Variants in SSBP2 observed in about 807,000 individuals in gnomAD.
The protein encoded by SSBP2 is single stranded DNA binding protein 2.
SSBP2 carries 17 observed loss-of-function variants against 61.8 expected under a neutral mutation model. The observed-to-expected ratio is 0.28, with a 90% CI of 0.19 to 0.41. The LOEUF (loss-of-function observed/expected upper bound fraction) is 0.41. Ranked by LOEUF, SSBP2 falls within the 10% of genes least tolerant of loss-of-function variation. The pLI is 1.00. For synonymous variants in SSBP2, 139 were observed against 141.3 expected, an observed-to-expected ratio of 0.98 and a Z score of 0.12; for missense variants, 310 against 458.7, an observed-to-expected ratio of 0.68 and a Z score of 2.96.
intron 1 of SSBP2, among the ~76,000 whole-genome samples, chr5:81,729,823 T>A (rs778069062): frequency 2.0e-5 from 3 of 152,136 alleles, no homozygotes; most frequent in African/African-American, 2.4e-5. Context: ...AAGTTATATA[T>A]AAGCTAGACT....
At chr5:81,729,010 A>G (rs564383526) in intron 1 of SSBP2, among the ~76,000 whole-genome samples, 2 of 152,326 alleles carry the variant, frequency 1.3e-5, no homozygotes, top group South Asian at 4.1e-4. Context: ...CACCATAAAA[A>G]ATGATAGGTA....
intron 4 of SSBP2, among the ~76,000 whole-genome samples, chr5:81,535,317 G>T (rs1197354792): frequency 6.6e-6 from 1 of 152,050 alleles, no homozygotes; most frequent in Non-Finnish European, 1.5e-5. Context: ...TTCATGAATA[G>T]GAAGACTCAA....
At chr5:81,689,583 A>C (rs1369096919) in intron 1 of SSBP2, among the ~76,000 whole-genome samples, 1 of 152,040 alleles carries the variant, frequency 6.6e-6, no homozygotes, top group Non-Finnish European at 1.5e-5. Flanking sequence ...AAAAAAAAAA[A>C]ACTTCTAGAA....
intron 4 of SSBP2, among the ~76,000 whole-genome samples, chr5:81,610,909 G>A (rs756028756): frequency 2.0e-4 from 31 of 152,116 alleles, no homozygotes; most frequent in Non-Finnish European, 3.5e-4. Context: ...CAGGAGAATC[G>A]GTTGAACCCG....
intron 4 of SSBP2, among the ~76,000 whole-genome samples, chr5:81,596,892 G>T (rs1456372558): frequency 6.7e-6 from 1 of 149,566 alleles, no homozygotes; most frequent in Non-Finnish European, 1.5e-5. Flanking sequence ...AACCCTAGAA[G>T]AAAACCTAAG....
chr5:81,509,707 T>A (rs547126409), intron 5 of SSBP2, among the ~76,000 whole-genome samples: 7 of 152,330 alleles, frequency 4.6e-5, no homozygotes, highest in Non-Finnish European at 8.8e-5. Flanking sequence ...TGAAATAGTC[T>A]GCCTAGATAA....
intron 4 of SSBP2, among the ~76,000 whole-genome samples, chr5:81,538,882 A>G (rs993819682): frequency 1.3e-5 from 2 of 152,212 alleles, no homozygotes; most frequent in African/African-American, 4.8e-5. Flanking sequence ...TAGTCACCCA[A>G]GAGCTCTGAT....
chr5:81,531,264 T>C (rs1392859733), intron 4 of SSBP2, among the ~76,000 whole-genome samples: 2 of 147,408 alleles, frequency 1.4e-5, no homozygotes, highest in Admixed American at 6.7e-5. Context: ...AGAAAGAAGA[T>C]AATTTCAACT....
chr5:81,528,262 G>C (rs1389450790), intron 4 of SSBP2, among the ~76,000 whole-genome samples: 1 of 151,988 alleles, frequency 6.6e-6, no homozygotes, highest in Non-Finnish European at 1.5e-5. Flanking sequence ...GTCATTTATA[G>C]AATTAATAAG....
intron 9 of SSBP2, among the ~76,000 whole-genome samples, chr5:81,463,178 C>T (rs1422177932): frequency 6.6e-6 from 1 of 151,510 alleles, no homozygotes; most frequent in Admixed American, 6.6e-5. Context: ...CTAACATTAC[C>T]ATTGTGTTTG....
chr5:81,585,800 CATCTCCCCAGT>C (rs1250801866), intron 4 of SSBP2, among the ~76,000 whole-genome samples: 2 of 152,126 alleles, frequency 1.3e-5, no homozygotes, highest in East Asian at 3.9e-4. Flanking sequence ...CTTTGACCAG[CATCTCCCCAGT>C]ATCCCTCCCC....
At chr5:81,559,037 C>T (rs1430763725) in intron 4 of SSBP2, among the ~76,000 whole-genome samples, 21 of 152,072 alleles carry the variant, frequency 1.4e-4, no homozygotes, top group Admixed American at 8.5e-4. Context: ...AGGTGGATCA[C>T]GAGGTCAAGA....
chr5:81,745,421 C>T (rs960894991), intron 1 of SSBP2, among the ~76,000 whole-genome samples: 2 of 152,040 alleles, frequency 1.3e-5, no homozygotes, highest in African/African-American at 2.4e-5. Context: ...TGTTTAAAAT[C>T]GGGAATATTA....
At chr5:81,614,849 T>C (rs1032703304) in intron 4 of SSBP2, among the ~76,000 whole-genome samples, 4 of 152,142 alleles carry the variant, frequency 2.6e-5, no homozygotes, top group Admixed American at 2.0e-4. Flanking sequence ...CTATCAGCTC[T>C]CTAAAATCAG....
At chr5:81,445,230 TA>T (rs1173774149) in intron 12 of SSBP2, among the ~76,000 whole-genome samples, 3 of 134,928 alleles carry the variant, frequency 2.2e-5, no homozygotes, top group African/African-American at 8.2e-5. Context: ...AACTTTACAA[TA>T]AAGTGGATCT....
At chr5:81,544,018 A>T (rs905483876) in intron 4 of SSBP2, among the ~76,000 whole-genome samples, 4 of 152,158 alleles carry the variant, frequency 2.6e-5, no homozygotes, top group Non-Finnish European at 4.4e-5. Flanking sequence ...CTTTCTCTTC[A>T]CAAAAACACC....
intron 4 of SSBP2, among the ~76,000 whole-genome samples, chr5:81,528,272 G>A (rs1770112574): frequency 6.6e-6 from 1 of 151,936 alleles, no homozygotes; most frequent in African/African-American, 2.4e-5. Flanking sequence ...GAATTAATAA[G>A]TATCTTAAAT....
chr5:81,736,248 T>C (rs1475556733), intron 1 of SSBP2, among the ~76,000 whole-genome samples: 2 of 151,804 alleles, frequency 1.3e-5, no homozygotes, highest in Non-Finnish European at 2.9e-5. Flanking sequence ...CTGGACTTCT[T>C]CCAAGCACAA....
intron 1 of SSBP2, among the ~76,000 whole-genome samples, chr5:81,741,913 T>C (rs192818973): frequency 1.3e-5 from 2 of 152,332 alleles, no homozygotes; most frequent in African/African-American, 4.8e-5. Context: ...CTCTGTTGAA[T>C]CAAATCCACA....
Sources: gnomAD v4.1 joint callset for allele counts (sites outside exome capture counted in the v4.1 genomes callset) on GRCh38, gnomAD v4.1.1 for gene constraint, MANE v1.5 for transcripts, NCBI Gene and HGNC (gene_info 2026-07-23, HGNC 2026-07-21) for gene names.